The following PPP1R12B variants were observed in gnomAD, a reference collection of about 807,000 sequenced individuals.
The protein encoded by PPP1R12B is myosin phosphatase target subunit 2.
PPP1R12B carries 76 observed loss-of-function variants against 126.1 expected under a neutral mutation model. That is an observed-to-expected ratio of 0.60 (90% CI 0.50 to 0.73). PPP1R12B has a LOEUF of 0.73. PPP1R12B is among the 30% of genes least tolerant of loss of function. The pLI is 0.00. For missense variants in PPP1R12B, 1,052 were observed against 1,205.1 expected, an observed-to-expected ratio of 0.87 and a Z score of 1.88; for synonymous variants, 356 against 434.7, an observed-to-expected ratio of 0.82 and a Z score of 2.25.
intron 13 of PPP1R12B, 134 bp from the exon 14 acceptor site, chr1:202,488,398 AT>A (rs1678429651): frequency 1.6e-6 from 1 of 636,908 alleles, no homozygotes; most frequent in African/African-American, 1.9e-5. Flanking sequence ...GGTTGATAGC[AT>A]TTCTGTCATT....
At chr1:202,574,781 A>G in intron 23 of PPP1R12B, 1 of 473,480 alleles carries the variant, frequency 2.1e-6, no homozygotes, top group Non-Finnish European at 3.8e-6. Context: ...TTAGCCAAGA[A>G]TCAGACATAG....
chr1:202,375,747 G>T (rs1200335813), intron 1 of PPP1R12B, among the ~76,000 whole-genome samples: 1 of 152,146 alleles, frequency 6.6e-6, no homozygotes, highest in Non-Finnish European at 1.5e-5. Context: ...TAGAGACAAG[G>T]TCTCACGGTA....
At chr1:202,374,922 C>G (rs979571047) in intron 1 of PPP1R12B, among the ~76,000 whole-genome samples, 1 of 152,006 alleles carries the variant, frequency 6.6e-6, no homozygotes, top group African/African-American at 2.4e-5. Context: ...TGCTTCTATT[C>G]TTCTTTCTCC....
At chr1:202,366,970 A>G (rs1267198127) in intron 1 of PPP1R12B, among the ~76,000 whole-genome samples, 3 of 152,192 alleles carry the variant, frequency 2.0e-5, no homozygotes, top group Non-Finnish European at 4.4e-5. Flanking sequence ...GGTTCCATAT[A>G]GTGAAGTCAT....
At position 202,591,615 on chromosome 1, in the gene PPP1R12B, G is replaced by A. The variant is rs1284833695; in HGVS notation, c.*11055G>A. 6.5e-6 allele frequency: 1 copy of A among 152,688 alleles called. No individual in the cohort carries two copies. The highest frequency in any genetic ancestry group is 1.5e-5 in the Non-Finnish European group (1 of 68,412). The allele number at this position is 152,688 out of a possible 1,614,324, so 9.5% of individuals were successfully genotyped here. A position where few individuals can be genotyped will look rare whatever the true frequency, so the allele number is the denominator to read the frequency against. On this transcript the variant is annotated 3_prime_UTR_variant, in exon 24 of 24. Coordinates refer to ENST00000608999, the MANE Select transcript of PPP1R12B (RefSeq NM_002481.4). ...TCAGGGGATCGCTGGTAGCCCTGAG[G>A]TTGCCCCGCTATTGGGCTGCTTTCT...
chr1:202,372,940 C>T lies in PPP1R12B; in HGVS notation c.291+23798C>T, dbSNP rs534173750. On this transcript the variant is annotated intron_variant, in intron 1 of 23. Transcript: ENST00000608999. ...CATCTGTTAATCCTGATGATAATTT[C>T]TTTTTTTTTTGTAAGATGGAGTCTT... 2.4e-4 allele frequency among the ~76,000 whole-genome samples: 35 copies of T among 148,084 alleles called. No individual in the cohort carries two copies. The East Asian group carries it at 5.5e-3, about 23-fold the overall frequency.
intron 18 of PPP1R12B, among the ~76,000 whole-genome samples, chr1:202,497,591 A>G (rs1222929861): frequency 6.6e-6 from 1 of 152,210 alleles, no homozygotes; most frequent in African/African-American, 2.4e-5. Context: ...TTAGCAGAGA[A>G]GATATAAATA....
chr1:202,443,262 C>A, intron 12 of PPP1R12B: 1 of 279,610 alleles, frequency 3.6e-6, no homozygotes, highest in Non-Finnish European at 5.4e-6. Context: ...TTAATTTGAA[C>A]TCTGCTGCTA....
At chr1:202,364,701 C>G (rs554397003) in intron 1 of PPP1R12B, among the ~76,000 whole-genome samples, 1 of 152,174 alleles carries the variant, frequency 6.6e-6, no homozygotes, top group African/African-American at 2.4e-5. Context: ...TTCAGCCTCC[C>G]GAGTAGCTGG....
Position 202,425,755 on chromosome 1 carries a change from G to T in PPP1R12B, c.701+30G>T, listed in dbSNP as rs117393441. On this transcript the variant is annotated intron_variant, in intron 4 of 23. Coordinates refer to ENST00000608999, the MANE Select transcript of PPP1R12B (RefSeq NM_002481.4). ...TGTCCATTTACATCAATCAGGAGTG[G>T]TTCACTGGGAGAAGATGGAATAGGT... The T allele has an allele frequency of 8.7e-4, 1,381 of 1,580,982 alleles. 31 individuals carry two copies. The East Asian group carries it at 0.025, about 28-fold the overall frequency.
chr1:202,413,644 T>C (rs1571896737), intron 1 of PPP1R12B, among the ~76,000 whole-genome samples: 1 of 152,352 alleles, frequency 6.6e-6, no homozygotes, highest in African/African-American at 2.4e-5. Context: ...ATGTAGTTAT[T>C]AAATATGTAC....
At chr1:202,449,930 C>T (rs1311512950) in intron 13 of PPP1R12B, among the ~76,000 whole-genome samples, 3 of 150,650 alleles carry the variant, frequency 2.0e-5, no homozygotes, top group Admixed American at 6.6e-5. Flanking sequence ...TCGTGATCCG[C>T]CCGCCTCGGC....
intron 18 of PPP1R12B, among the ~76,000 whole-genome samples, chr1:202,521,963 A>G (rs897694745): frequency 6.6e-6 from 1 of 152,206 alleles, no homozygotes; most frequent in African/African-American, 2.4e-5. Context: ...ATACAAGTAT[A>G]AGAAAAAATT....
At position 202,427,429 on chromosome 1, in the gene PPP1R12B, A is replaced by T. The variant is rs555058162; in HGVS notation, c.846+245A>T. ...GTTCAAGCCTCTAAAACAGGAAAAA[A>T]ATATATTTGTTCTTGGCAAAAAATG... On this transcript the variant is annotated intron_variant, in intron 5 of 23. Transcript: ENST00000608999. Among the ~76,000 whole-genome samples the T allele has an allele frequency of 2.0e-5, 3 of 152,292 alleles. No homozygotes were observed. In the East Asian group the frequency reaches 5.8e-4, roughly 29 times the overall value.
chr1:202,515,591 A>G (rs1314272986), intron 18 of PPP1R12B, among the ~76,000 whole-genome samples: 1 of 151,900 alleles, frequency 6.6e-6, no homozygotes, highest in Non-Finnish European at 1.5e-5. Flanking sequence ...TGCACACAGG[A>G]TCTTGCTCTG....
chr1:202,356,949 T>A (rs7555129), intron 1 of PPP1R12B, among the ~76,000 whole-genome samples: 84,600 of 151,268 alleles, frequency 0.56, 25,393 homozygotes, highest in East Asian at 0.77. Flanking sequence ...AGCCTCCTTA[T>A]TAGCTGGGAT....
chr1:202,531,236 G>A (rs767473523), intron 18 of PPP1R12B, among the ~76,000 whole-genome samples: 4 of 152,198 alleles, frequency 2.6e-5, no homozygotes, highest in Non-Finnish European at 5.9e-5. Flanking sequence ...TAAAAGCATA[G>A]AATAGTAAAT....
chr1:202,358,420 C>T (rs1362703307), intron 1 of PPP1R12B, among the ~76,000 whole-genome samples: 2 of 152,264 alleles, frequency 1.3e-5, no homozygotes, highest in East Asian at 1.9e-4. Flanking sequence ...CGGTGGCTCA[C>T]GCCTGTAATC....
At chr1:202,417,833 G>C (rs914809264) in intron 2 of PPP1R12B, among the ~76,000 whole-genome samples, 3 of 152,350 alleles carry the variant, frequency 2.0e-5, no homozygotes, top group Admixed American at 6.5e-5. Context: ...GTTGGCAGCT[G>C]TGTAGAGGCC....
Sources: gnomAD v4.1 joint callset for allele counts (sites outside exome capture counted in the v4.1 genomes callset) on GRCh38, gnomAD v4.1.1 for gene constraint, MANE v1.5 for transcripts, NCBI Gene and HGNC (gene_info 2026-07-23, HGNC 2026-07-21) for gene names.